Variants in IPPK observed in about 807,000 individuals in gnomAD.
The protein encoded by IPPK is IPK1 homolog.
A neutral mutation model predicts 64.6 loss-of-function variants in IPPK; 22 were observed. The observed-to-expected ratio is 0.34, with a 90% confidence interval of 0.24 to 0.49. The LOEUF (loss-of-function observed/expected upper bound fraction) is 0.49. Ranked by LOEUF, IPPK falls within the 20% of genes least tolerant of loss-of-function variation. IPPK has a pLI of 0.99. For synonymous variants in IPPK, 262 were observed against 247.2 expected (o/e 1.06, Z -0.56); for missense variants, 532 against 630.7 (o/e 0.84, Z 1.68).
intron 6 of IPPK, among the ~76,000 whole-genome samples, chr9:92,643,603 A>G (rs550968679): frequency 1.1e-4 from 17 of 152,312 alleles, no homozygotes; most frequent in Non-Finnish European, 1.9e-4. Flanking sequence ...AAAAAAAAAA[A>G]AAGCTTATGT....
chr9:92,654,388 G>A (rs756444111), intron 3 of IPPK, among the ~76,000 whole-genome samples: 4 of 152,148 alleles, frequency 2.6e-5, no homozygotes, highest in Non-Finnish European at 4.4e-5. Context: ...GCGGTGGTGC[G>A]CACCAGTAGT....
chr9:92,667,065 C>G (rs1002740108), intron 1 of IPPK, among the ~76,000 whole-genome samples: 1 of 152,224 alleles, frequency 6.6e-6, no homozygotes, highest in African/African-American at 2.4e-5. Context: ...GCATCATGTT[C>G]TCATGGTAGA....
rs113535725 is a variant in IPPK at position 92,659,807 on chromosome 9, G to A, written c.82-1126C>T. ...CCGCAGCCCTACTTAGACAATGTAC[G>A]TCGTTGCTCTTAAATCCCAGGCACC... On this transcript the variant is annotated intron_variant, in intron 1 of 12. Transcript: ENST00000287996. Among the ~76,000 whole-genome samples the A allele has an allele frequency of 8.6e-3, 1,312 of 152,210 alleles. 18 individuals are homozygous for A. Among genetic ancestry groups the A allele is most frequent in the African/African-American group, 0.03 (1,230 of 41,542 alleles).
intron 1 of IPPK, among the ~76,000 whole-genome samples, chr9:92,663,058 G>T (rs890529382): frequency 6.6e-6 from 1 of 152,080 alleles, no homozygotes; most frequent in Non-Finnish European, 1.5e-5. Context: ...CATGCATGAG[G>T]ATTTTCTACA....
At chr9:92,656,413 C>T (rs1415957747) in intron 3 of IPPK, 43 bp downstream of exon 3, 4 of 1,330,508 alleles carry the variant, frequency 3.0e-6, no homozygotes, top group Non-Finnish European at 4.3e-6. Flanking sequence ...AGTGTTGATG[C>T]AAAACATGCC....
At chr9:92,643,584 T>C (rs1341890607) in intron 6 of IPPK, among the ~76,000 whole-genome samples, 1 of 142,638 alleles carries the variant, frequency 7.0e-6, no homozygotes, top group Non-Finnish European at 1.5e-5. Context: ...GTAATGTCAA[T>C]TTTGCTTAAA....
chr9:92,639,600 G>A (rs781468163), intron 8 of IPPK, among the ~76,000 whole-genome samples: 14 of 152,140 alleles, frequency 9.2e-5, no homozygotes, highest in Non-Finnish European at 1.8e-4. Flanking sequence ...GAGTTCCAGA[G>A]ACATTAGGTG....
intron 11 of IPPK, among the ~76,000 whole-genome samples, chr9:92,629,534 T>G (rs1851795005): frequency 1.3e-5 from 2 of 152,018 alleles, no homozygotes; most frequent in African/African-American, 4.8e-5. Flanking sequence ...GGTGGATCAC[T>G]TGAGCTCAGG....
intron 11 of IPPK, among the ~76,000 whole-genome samples, chr9:92,625,965 G>C (rs1399012258): frequency 1.3e-5 from 2 of 150,988 alleles, no homozygotes; most frequent in Admixed American, 6.6e-5. Context: ...TCTGATATCA[G>C]AATATAAAAT....
chr9:92,613,262 G>A lies in IPPK; in HGVS notation c.*2570C>T. On this transcript the variant is annotated 3_prime_UTR_variant, in exon 13 of 13. Transcript: ENST00000287996. ...AGAAACCACACCCTGAAGACGTGCT[G>A]TCTATGCAGTTATGGCACATTATAT... 8.1e-7 allele frequency: 1 copy of A among 1,242,070 alleles called. No individual in the cohort carries two copies. The highest frequency in any genetic ancestry group is 1.9e-5 in the Admixed American group (1 of 52,658). 76.9% of individuals were successfully genotyped at this position (1,242,070 alleles called of 1,614,324 possible).
At chr9:92,655,184 A>C (rs772324847) in intron 3 of IPPK, among the ~76,000 whole-genome samples, 100 of 152,230 alleles carry the variant, frequency 6.6e-4, no homozygotes, top group Non-Finnish European at 1.3e-3. Context: ...CCCACAACAA[A>C]CAGGAGGGAA....
intron 3 of IPPK, 35 bp from the exon 4 acceptor site, chr9:92,652,674 T>G: frequency 4.8e-6 from 6 of 1,256,564 alleles, no homozygotes; most frequent in Non-Finnish European, 6.8e-6. Flanking sequence ...CAGTGTGAAT[T>G]GCACAATGAC....
chr9:92,632,801 C>A (rs1851868989), intron 11 of IPPK, among the ~76,000 whole-genome samples: 1 of 152,154 alleles, frequency 6.6e-6, no homozygotes, highest in Non-Finnish European at 1.5e-5. Context: ...GCTGCAGCCC[C>A]AGTTAAAGAA....
At chr9:92,644,435 C>A (rs990659697) in intron 6 of IPPK, among the ~76,000 whole-genome samples, 1 of 152,168 alleles carries the variant, frequency 6.6e-6, no homozygotes, top group African/African-American at 2.4e-5. Context: ...GGCAGGACAT[C>A]TCCAAAGCCT....
rs1436965311 is a variant in IPPK at position 92,613,676 on chromosome 9, C to T, written c.*2156G>A. 6.3e-6 allele frequency: 1 copy of T among 158,578 alleles called. No homozygotes were observed. Among genetic ancestry groups the T allele is most frequent in the East Asian group, 1.8e-4 (1 of 5,508 alleles). 9.8% of individuals were successfully genotyped at this position (158,578 alleles called of 1,614,324 possible). On this transcript the variant is annotated 3_prime_UTR_variant, in exon 13 of 13. Transcript: ENST00000287996. Reference sequence around the variant, plus strand: ...GAGGCAGTCTCAGCAAGTCCTCATGCTGTTCTTGGTCTTCCACAAGAAAGT... The same window carrying T: ...GAGGCAGTCTCAGCAAGTCCTCATGTTGTTCTTGGTCTTCCACAAGAAAGT...
At chr9:92,642,619 A>G in intron 7 of IPPK, 133 bp downstream of exon 7, 2 of 712,664 alleles carry the variant, frequency 2.8e-6, no homozygotes, top group Non-Finnish European at 5.0e-6. Flanking sequence ...ATGGCAAAAG[A>G]GAGCCCTGAA....
chr9:92,644,176 TG>T (rs1374237752), intron 6 of IPPK, among the ~76,000 whole-genome samples: 1 of 151,922 alleles, frequency 6.6e-6, no homozygotes, highest in Non-Finnish European at 1.5e-5. Flanking sequence ...ATCAGAAAAC[TG>T]GTTAAAAAAA....
intron 11 of IPPK, among the ~76,000 whole-genome samples, chr9:92,631,080 C>T (rs2131429064): frequency 6.6e-6 from 1 of 152,246 alleles, no homozygotes; most frequent in Non-Finnish European, 1.5e-5. Context: ...TCTGCTGACC[C>T]CTGCTACCAG....
At position 92,635,162 on chromosome 9, in the gene IPPK, C is replaced by T. The variant is rs1331783540; in HGVS notation, c.1063G>A (p.Glu355Lys). ...AGGGGGACCGCCCGACCTCACCTCT[C>T]CTCGGGAAACTCTTCCAGGTATCGC... is the stretch of plus-strand genomic sequence containing the variant. ...VERYLEEFPEERKTLQIDGPY... is the reference protein window; with the variant it reads ...VERYLEEFPEKRKTLQIDGPY... Residue 355 changes from glutamate to lysine, a missense_variant, in exon 10 of 13, where the codon GAG (glutamate) becomes AAG (lysine). Physicochemically the swap from Glu to Lys is moderately conservative, Grantham distance 56 (BLOSUM62 1). Coordinates refer to ENST00000287996, the MANE Select transcript of IPPK (RefSeq NM_022755.6). The surrounding 1 kb of genome is among the most constrained non-coding windows in gnomAD (Gnocchi z 4.4). 1 of 1,612,130 alleles carries T rather than the reference C, an allele frequency of 6.2e-7. No individual in the cohort carries two copies.
Sources: gnomAD v4.1 joint callset for allele counts (sites outside exome capture counted in the v4.1 genomes callset) on GRCh38, gnomAD v4.1.1 for gene constraint, Gnocchi (gnomAD v3.1) non-coding constraint, MANE v1.5 for transcripts, NCBI Gene and HGNC (gene_info 2026-07-23, HGNC 2026-07-21) for gene names.